Variants in PRKCQ observed in about 807,000 individuals in gnomAD.
The protein encoded by PRKCQ is protein kinase C theta, also known as protein kinase C theta type.
Under a neutral mutation model 91.2 loss-of-function variants are expected in PRKCQ, and 41 were observed. That is an observed-to-expected ratio of 0.45 (90% CI 0.35 to 0.58). The LOEUF (loss-of-function observed/expected upper bound fraction) is 0.58, where lower values mean the gene tolerates loss of function less well. Ranked by LOEUF, PRKCQ falls within the 20% of genes least tolerant of loss-of-function variation. PRKCQ has a pLI of 0.00. For synonymous variants in PRKCQ, 307 were observed against 316.9 expected, an observed-to-expected ratio of 0.97 and a Z score of 0.33; for missense variants, 673 against 896.5, an observed-to-expected ratio of 0.75 and a Z score of 3.18.
chr10:6,404,365 G>T, the PRKCQ span, among the ~76,000 whole-genome samples: 3 of 146,932 alleles, frequency 2.0e-5, no homozygotes, highest in African/African-American at 7.4e-5. Flanking sequence ...CTCTGACAAT[G>T]GATTCATTCT....
chr10:6,495,027 A>G (rs1054722010), intron 7 of PRKCQ, among the ~76,000 whole-genome samples: 7 of 151,636 alleles, frequency 4.6e-5, no homozygotes, highest in Admixed American at 3.9e-4. Context: ...CCTTATATCC[A>G]CCTCTTTCAT....
rs1042383677 is a variant in PRKCQ, at chr10:6,437,808, C to T, written c.1836+4085G>A. On this transcript the variant is annotated intron_variant, in intron 16 of 17. Coordinates refer to ENST00000263125, the MANE Select transcript of PRKCQ (RefSeq NM_006257.5). ...CTGGGACCACAGGCGCCCGCCACAA[C>T]ACCTGGCTAATTTTTTTTGTATTTT... Among the ~76,000 whole-genome samples the T allele has an allele frequency of 2.6e-5, 4 of 152,094 alleles. No individual in the cohort carries two copies. The South Asian group carries it at 8.3e-4, about 32-fold the overall frequency.
intron 4 of PRKCQ, among the ~76,000 whole-genome samples, chr10:6,505,592 C>T (rs1159288933): frequency 7.2e-6 from 1 of 138,778 alleles, no homozygotes; most frequent in Non-Finnish European, 1.6e-5. Flanking sequence ...CTTCCTTCCT[C>T]TCTCTCACCC....
intron 1 of PRKCQ, among the ~76,000 whole-genome samples, chr10:6,534,819 T>G (rs1400892805): frequency 6.8e-6 from 1 of 148,128 alleles, no homozygotes; most frequent in Non-Finnish European, 1.5e-5. Context: ...TATAAACTCA[T>G]TACAAAGATA....
At chr10:6,476,257 A>T (rs1836260868) in intron 12 of PRKCQ, among the ~76,000 whole-genome samples, 1 of 150,096 alleles carries the variant, frequency 6.7e-6, no homozygotes, top group Non-Finnish European at 1.5e-5. Flanking sequence ...TCTTCTACAA[A>T]GTGGGATTCC....
At chr10:6,439,656 G>A (rs987831573) in intron 16 of PRKCQ, among the ~76,000 whole-genome samples, 1 of 150,390 alleles carries the variant, frequency 6.6e-6, no homozygotes, top group Admixed American at 6.7e-5. Context: ...TTAATGAACA[G>A]TAAACACATT....
At chr10:6,523,620 A>G (rs191250049) in intron 1 of PRKCQ, among the ~76,000 whole-genome samples, 11 of 152,286 alleles carry the variant, frequency 7.2e-5, no homozygotes, top group African/African-American at 2.2e-4. Context: ...GCCAACATTA[A>G]CAACACTCTG....
At position 6,555,904 on chromosome 10, in the gene PRKCQ, G is replaced by T. The variant is rs1383435184; in HGVS notation, c.-10+24307C>A. Reference sequence around the variant, plus strand: ...GATGCCTGTAATCTCAACTACTGGGGAAGCTGATGCAGGAGAATCGCTTGA... The same window carrying T: ...GATGCCTGTAATCTCAACTACTGGGTAAGCTGATGCAGGAGAATCGCTTGA... On this transcript the variant is annotated intron_variant, in intron 1 of 17. Coordinates refer to ENST00000263125, the MANE Select transcript of PRKCQ (RefSeq NM_006257.5). Among the ~76,000 whole-genome samples, 3 of 152,238 alleles carry T rather than the reference G, an allele frequency of 2.0e-5. No individual in the cohort carries two copies. The East Asian group carries it at 5.8e-4, about 29-fold the overall frequency.
At chr10:6,580,372 G>A (rs1009147835), upstream of PRKCQ, 1 of 151,306 alleles carries the variant, frequency 6.6e-6, no homozygotes, top group African/African-American at 2.4e-5. Context: ...TGCCCGCCAG[G>A]GGGCGCTCGC....
chr10:6,576,025 C>G lies in PRKCQ; in HGVS notation c.-10+4186G>C, dbSNP rs753339055. ...ACTGCACTCCAGCCTGGCGACACAG[C>G]GAGACTCCATCTCAAAAAACACAAA... On this transcript the variant is annotated intron_variant, in intron 1 of 17. Coordinates refer to ENST00000263125, the MANE Select transcript of PRKCQ (RefSeq NM_006257.5). This position sits in a 1 kb window ranked among gnomAD's most constrained non-coding sequence, Gnocchi z 4.2. 6.6e-6 allele frequency among the ~76,000 whole-genome samples: 1 copy of G among 152,080 alleles called. No homozygotes were observed. Among genetic ancestry groups the G allele is most frequent in the Non-Finnish European group, 1.5e-5 (1 of 68,022 alleles).
chr10:6,526,540 T>C (rs1162408526), intron 1 of PRKCQ, among the ~76,000 whole-genome samples: 1 of 151,854 alleles, frequency 6.6e-6, no homozygotes, highest in Non-Finnish European at 1.5e-5. Flanking sequence ...TGAAATGACG[T>C]TGAGTAAAGA....
intron 3 of PRKCQ, among the ~76,000 whole-genome samples, chr10:6,508,979 G>A (rs917533770): frequency 5.9e-5 from 9 of 152,072 alleles, no homozygotes; most frequent in Non-Finnish European, 1.2e-4. Context: ...ATTAGTGTTG[G>A]AAAAGCAGAT....
Position 6,430,080 on chromosome 10 carries a change from C to T in PRKCQ, c.1965+730G>A, listed in dbSNP as rs1833335902. Among the ~76,000 whole-genome samples the T allele has an allele frequency of 6.6e-6, 1 of 152,174 alleles. No homozygotes were observed. The highest frequency in any genetic ancestry group is 2.4e-5 in the African/African-American group (1 of 41,436). On this transcript the variant is annotated intron_variant, in intron 17 of 17. Coordinates refer to ENST00000263125, the MANE Select transcript of PRKCQ (RefSeq NM_006257.5). This position sits in a 1 kb window ranked among gnomAD's most constrained non-coding sequence, Gnocchi z 4.7. Reference sequence around the variant, plus strand: ...ATGTTGGCCAGGCTGACCTCGAACTCCTGACCTCAGGTGATCCACCCGCCT... The same window carrying T: ...ATGTTGGCCAGGCTGACCTCGAACTTCTGACCTCAGGTGATCCACCCGCCT...
chr10:6,485,051 A>G, intron 10 of PRKCQ, 101 bp downstream of exon 10: 2 of 1,031,200 alleles, frequency 1.9e-6, no homozygotes, highest in Non-Finnish European at 3.0e-6. Context: ...TGGATCACCT[A>G]TCAGACCAGG....
At chr10:6,580,400 C>G (rs978537572), upstream of PRKCQ, 6 of 151,996 alleles carry the variant, frequency 3.9e-5, no homozygotes, top group African/African-American at 1.4e-4. Context: ...CCCGCCAGCC[C>G]GGCCTCCCGG....
chr10:6,401,710 G>C, the PRKCQ span, among the ~76,000 whole-genome samples: 5 of 152,134 alleles, frequency 3.3e-5, no homozygotes, highest in Non-Finnish European at 5.9e-5. Flanking sequence ...CACGCTGTCT[G>C]CTGGGAGCTG....
the PRKCQ span, among the ~76,000 whole-genome samples, chr10:6,411,887 T>C: frequency 6.6e-6 from 1 of 152,198 alleles, no homozygotes; most frequent in Non-Finnish European, 1.5e-5. Context: ...ATGATGATGA[T>C]GATAGATAAC....
chr10:6,464,535 C>T (rs1465926752), intron 12 of PRKCQ, 131 bp from the exon 13 acceptor site: 33 of 688,702 alleles, frequency 4.8e-5, no homozygotes, highest in African/African-American at 3.1e-4. Context: ...CTGCAACCTC[C>T]GCCTCCTGGC....
chr10:6,466,605 C>T, intron 12 of PRKCQ, among the ~76,000 whole-genome samples: 1 of 152,180 alleles, frequency 6.6e-6, no homozygotes, highest in East Asian at 1.9e-4. Flanking sequence ...CTACACAGTC[C>T]AGAGGTTTGG....
Sources: gnomAD v4.1 joint callset for allele counts (sites outside exome capture counted in the v4.1 genomes callset) on GRCh38, gnomAD v4.1.1 for gene constraint, Gnocchi (gnomAD v3.1) non-coding constraint, MANE v1.5 for transcripts, NCBI Gene and HGNC (gene_info 2026-07-23, HGNC 2026-07-21) for gene names.